Variants in SH2D4B observed in about 807,000 individuals in gnomAD.
SH2D4B encodes the protein SH2 domain-containing protein 4B.
In SH2D4B, 45 loss-of-function variants were observed where a neutral mutation model predicts 61.5. That is an observed-to-expected ratio of 0.73 (90% CI 0.58 to 0.94). The LOEUF (loss-of-function observed/expected upper bound fraction) is 0.94. Ranked by LOEUF, SH2D4B falls within the 40% of genes least tolerant of loss-of-function variation. The pLI is 0.00. For synonymous variants in SH2D4B, 224 were observed against 220.4 expected (o/e 1.02, Z -0.14); for missense variants, 572 against 574.2 (o/e 1.00, Z 0.04).
chr10:80,565,914 C>T (rs557183572), intron 1 of SH2D4B, among the ~76,000 whole-genome samples: 1 of 151,660 alleles, frequency 6.6e-6, no homozygotes, highest in Non-Finnish European at 1.5e-5. Context: ...CACGGTGAAA[C>T]CCCGTCTCTA....
intron 1 of SH2D4B, among the ~76,000 whole-genome samples, chr10:80,568,705 T>A (rs1017200754): frequency 1.3e-5 from 2 of 152,238 alleles, no homozygotes; most frequent in African/African-American, 4.8e-5. Flanking sequence ...GAAGAGATGC[T>A]TTTTCAATCC....
chr10:80,637,478 T>A (rs1840204551), intron 7 of SH2D4B, among the ~76,000 whole-genome samples: 2 of 152,200 alleles, frequency 1.3e-5, no homozygotes, highest in African/African-American at 2.4e-5. Flanking sequence ...GGTTTTGAGT[T>A]CTCCATGAAG....
At chr10:80,544,540 C>A (rs944444080) in intron 1 of SH2D4B, among the ~76,000 whole-genome samples, 7 of 152,368 alleles carry the variant, frequency 4.6e-5, no homozygotes, top group Admixed American at 4.6e-4. Context: ...TTCCTGGGCC[C>A]GTCCAGTAGC....
Position 80,541,060 on chromosome 10 carries a change from A to T in SH2D4B, c.184+2545A>T. On this transcript the variant is annotated intron_variant, in intron 1 of 7. Transcript: ENST00000646907. ...AGAAGCGAAAGTACACACTTGAGAG[A>T]GAAGTGCGGGCGTGCTCATGAGAAC... 3 of 751,924 alleles carry T rather than the reference A, an allele frequency of 4.0e-6. No homozygotes were observed. In the Admixed American group the frequency reaches 6.0e-5, roughly 15 times the overall value. The allele number at this position is 751,924 out of a possible 1,614,324, so 46.6% of individuals were successfully genotyped here.
chr10:80,597,707 G>GGA (rs1036668533), intron 4 of SH2D4B, among the ~76,000 whole-genome samples: 1 of 150,904 alleles, frequency 6.6e-6, no homozygotes, highest in African/African-American at 2.5e-5. Flanking sequence ...AAATACACGG[G>GGA]GAGAGAGTGA....
chr10:80,637,001 A>G (rs1840191582), intron 7 of SH2D4B, among the ~76,000 whole-genome samples: 1 of 152,172 alleles, frequency 6.6e-6, no homozygotes, highest in Non-Finnish European at 1.5e-5. Flanking sequence ...TCAGCTTTCT[A>G]CTTATGGCTA....
intron 5 of SH2D4B, among the ~76,000 whole-genome samples, chr10:80,604,977 T>G (rs1842500772): frequency 6.6e-6 from 1 of 152,134 alleles, no homozygotes; most frequent in Non-Finnish European, 1.5e-5. Flanking sequence ...GTATTTTTAG[T>G]AGAGATGGGG....
At chr10:80,547,290 C>T (rs897308424) in intron 1 of SH2D4B, among the ~76,000 whole-genome samples, 2 of 152,228 alleles carry the variant, frequency 1.3e-5, no homozygotes, top group Admixed American at 6.5e-5. Flanking sequence ...AGCTGCCTTG[C>T]GCCCCATCCC....
chr10:80,538,370 C>A lies in SH2D4B; in HGVS notation c.39C>A (p.Pro13=). 7.1e-7 allele frequency: 1 copy of A among 1,406,896 alleles called. No homozygotes were observed. The highest frequency in any genetic ancestry group is 9.3e-7 in the Non-Finnish European group (1 of 1,075,634). The allele number at this position is 1,406,896 out of a possible 1,614,324, so 87.2% of individuals were successfully genotyped here. A position where few individuals can be genotyped will look rare whatever the true frequency, so the allele number is the denominator to read the frequency against. ...QQILHDMYID[P]ELLAELSDVQ... ...TCCTGCACGACATGTACATCGACCCCGAGCTCCTTGCCGAGCTCAGCGATG... is the reference window on the plus strand; with the variant it reads ...TCCTGCACGACATGTACATCGACCCAGAGCTCCTTGCCGAGCTCAGCGATG... Residue 13 remains proline, a synonymous_variant, in exon 1 of 8, where the codon CCC becomes CCA. Coordinates refer to ENST00000646907, the MANE Select transcript of SH2D4B (RefSeq NM_001388272.1). This position sits in a 1 kb window ranked among gnomAD's most constrained non-coding sequence, Gnocchi z 4.8.
At chr10:80,629,058 T>C (rs960979814) in intron 6 of SH2D4B, among the ~76,000 whole-genome samples, 2 of 137,620 alleles carry the variant, frequency 1.5e-5, no homozygotes, top group Non-Finnish European at 1.5e-5. Flanking sequence ...GAAAAAGAAA[T>C]ACCCAAGACT....
chr10:80,556,136 C>CT (rs58999823), intron 1 of SH2D4B, among the ~76,000 whole-genome samples: 1,675 of 144,718 alleles, frequency 0.012, 21 homozygotes, highest in African/African-American at 0.034. Context: ...GAGTCAAGTT[C>CT]TTTTTTTTTT....
chr10:80,604,046 GA>G (rs1842486145), intron 5 of SH2D4B, among the ~76,000 whole-genome samples: 1 of 152,224 alleles, frequency 6.6e-6, no homozygotes, highest in Admixed American at 6.5e-5. Flanking sequence ...AGAATCTGAA[GA>G]AAGCGGTGTA....
chr10:80,603,159 G>A (rs1842471176), intron 4 of SH2D4B, among the ~76,000 whole-genome samples: 1 of 152,104 alleles, frequency 6.6e-6, no homozygotes, highest in Non-Finnish European at 1.5e-5. Context: ...CACCTTGACG[G>A]GTGAGCTGAG....
At position 80,574,769 on chromosome 10, in the gene SH2D4B, C is replaced by T. The variant is rs1017544725; in HGVS notation, c.495+3191C>T. Reference sequence around the variant, plus strand: ...AGGCTGGAGTGCAATGGCGCAATCTCGGCTCACTGAAGCCTCCACCTCCCA... The same window carrying T: ...AGGCTGGAGTGCAATGGCGCAATCTTGGCTCACTGAAGCCTCCACCTCCCA... On this transcript the variant is annotated intron_variant, in intron 3 of 7. Transcript: ENST00000646907. Among the ~76,000 whole-genome samples, 11 of 152,150 alleles carry T rather than the reference C, an allele frequency of 7.2e-5. No homozygotes were observed. In the East Asian group the frequency reaches 7.7e-4, roughly 11 times the overall value.
chr10:80,602,031 C>G (rs1015396832), intron 4 of SH2D4B, among the ~76,000 whole-genome samples: 32 of 152,156 alleles, frequency 2.1e-4, no homozygotes, highest in African/African-American at 7.7e-4. Flanking sequence ...GGTTTTAATT[C>G]CAGAATTTGC....
chr10:80,569,179 G>A (rs955763889), intron 1 of SH2D4B, among the ~76,000 whole-genome samples: 2 of 152,150 alleles, frequency 1.3e-5, no homozygotes, highest in Non-Finnish European at 2.9e-5. Flanking sequence ...TTGTGGGACT[G>A]GGAGACTCAG....
intron 4 of SH2D4B, among the ~76,000 whole-genome samples, chr10:80,595,609 T>A (rs1035655898): frequency 6.6e-6 from 1 of 152,170 alleles, no homozygotes; most frequent in African/African-American, 2.4e-5. Flanking sequence ...GAAAGTTCCC[T>A]TCCTACCTGA....
At chr10:80,592,408 GTTGT>G (rs1173012754) in intron 4 of SH2D4B, among the ~76,000 whole-genome samples, 5 of 151,958 alleles carry the variant, frequency 3.3e-5, no homozygotes, top group African/African-American at 1.2e-4. Context: ...CATTTTTTTG[GTTGT>G]TTATGATTTG....
rs1842870590 is a variant in SH2D4B, at chr10:80,634,401, G to T, written c.1105G>T (p.Gly369Trp). 1.3e-6 allele frequency: 2 copies of T among 1,550,460 alleles called. No individual in the cohort carries two copies. Among genetic ancestry groups the T allele is most frequent in the African/African-American group, 1.4e-5 (1 of 73,058 alleles). Residue 369 changes from glycine to tryptophan, a missense_variant, in exon 7 of 8, where the codon GGG becomes TGG. Physicochemically the swap from Gly to Trp is radical, Grantham distance 184 (BLOSUM62 -2). Coordinates refer to ENST00000646907, the MANE Select transcript of SH2D4B (RefSeq NM_001388272.1). The stretch of plus-strand genomic sequence containing the variant: ...CACCCTCTCCTACCGCCTGCAGAAA[G>T]GGTTCAAACACTTTCTTGTGGATGC... ...GYTLSYRLQK[G>W]FKHFLVDASG...
Sources: gnomAD v4.1 joint callset for allele counts (sites outside exome capture counted in the v4.1 genomes callset) on GRCh38, gnomAD v4.1.1 for gene constraint, Gnocchi (gnomAD v3.1) non-coding constraint, MANE v1.5 for transcripts, NCBI Gene and HGNC (gene_info 2026-07-23, HGNC 2026-07-21) for gene names.